Variants in KCNMA1 observed in about 807,000 individuals in gnomAD.
KCNMA1 encodes potassium calcium-activated channel subfamily M alpha 1, also known as Calcium-activated potassium channel subunit alpha-1.
In KCNMA1, 29 loss-of-function variants were observed where a neutral mutation model predicts 140.0. The observed-to-expected ratio is 0.21, with a 90% CI of 0.15 to 0.28. The LOEUF is 0.28. KCNMA1 is among the 10% of genes least tolerant of loss of function. The pLI is 1.00. For missense variants in KCNMA1, 880 were observed against 1,602.2 expected (o/e 0.55, Z 7.70); for synonymous variants, 612 against 611.9 (o/e 1.00, Z 0.00).
chr10:77,058,759 G>A (rs2153660228), intron 14 of KCNMA1, among the ~76,000 whole-genome samples: 1 of 152,098 alleles, frequency 6.6e-6, no homozygotes, highest in Middle Eastern at 3.4e-3. Context: ...AGCTAAAGCA[G>A]GGACCAGGAA....
At chr10:77,511,238 G>A (rs1351433936) in intron 1 of KCNMA1, among the ~76,000 whole-genome samples, 1 of 152,234 alleles carries the variant, frequency 6.6e-6, no homozygotes, top group African/African-American at 2.4e-5. Flanking sequence ...TGCTGATGCT[G>A]TTGACCCAGG....
At chr10:76,954,438 T>C (rs1481891744) in intron 20 of KCNMA1, among the ~76,000 whole-genome samples, 1 of 152,220 alleles carries the variant, frequency 6.6e-6, no homozygotes, top group Admixed American at 6.5e-5. Context: ...ACTTCTGACG[T>C]GATGCTCTTC....
chr10:77,018,940 G>T, intron 17 of KCNMA1, 73 bp downstream of exon 17: 2 of 842,504 alleles, frequency 2.4e-6, no homozygotes, highest in Non-Finnish European at 4.1e-6. Context: ...GGTTATGGAA[G>T]CCTGCCTACT....
chr10:76,893,824 G>A (rs1432032404), intron 25 of KCNMA1, among the ~76,000 whole-genome samples: 2 of 152,132 alleles, frequency 1.3e-5, no homozygotes, highest in East Asian at 3.9e-4. Flanking sequence ...AAATATTACT[G>A]AAAGAAATTA....
chr10:77,339,440 T>C (rs2090253568), intron 2 of KCNMA1, among the ~76,000 whole-genome samples: 1 of 152,166 alleles, frequency 6.6e-6, no homozygotes. Flanking sequence ...GACTCCAGTC[T>C]TGGTTTTCCA....
At chr10:77,189,468 A>G (rs562305451) in intron 3 of KCNMA1, among the ~76,000 whole-genome samples, 22 of 152,194 alleles carry the variant, frequency 1.4e-4, no homozygotes, top group Non-Finnish European at 2.6e-4. Flanking sequence ...GTTCCAATTA[A>G]CAATCAGAGA....
At chr10:77,601,806 G>A (rs1243830031) in intron 1 of KCNMA1, among the ~76,000 whole-genome samples, 2 of 152,134 alleles carry the variant, frequency 1.3e-5, no homozygotes, top group African/African-American at 2.4e-5. Context: ...GGCCCTCAAG[G>A]ACACAGAGTA....
At chr10:77,455,870 C>T (rs1325299404) in intron 1 of KCNMA1, among the ~76,000 whole-genome samples, 1 of 152,230 alleles carries the variant, frequency 6.6e-6, no homozygotes, top group Non-Finnish European at 1.5e-5. Flanking sequence ...CCATTCAGCT[C>T]TTAGTCCTCA....
chr10:77,326,180 A>G (rs1157504422), intron 2 of KCNMA1, among the ~76,000 whole-genome samples: 1 of 152,038 alleles, frequency 6.6e-6, no homozygotes, highest in African/African-American at 2.4e-5. Flanking sequence ...CACTGCAAAA[A>G]TCCTTCAGAT....
At chr10:77,607,890 G>C (rs1009014897) in intron 1 of KCNMA1, among the ~76,000 whole-genome samples, 2 of 152,156 alleles carry the variant, frequency 1.3e-5, no homozygotes, top group African/African-American at 2.4e-5. Flanking sequence ...CCACTCGAGA[G>C]GTCCCTTCTC....
chr10:77,208,356 G>A (rs1330116410), intron 3 of KCNMA1, among the ~76,000 whole-genome samples: 1 of 152,186 alleles, frequency 6.6e-6, no homozygotes, highest in Non-Finnish European at 1.5e-5. Context: ...CAGGCATGGT[G>A]GCACATGCTT....
chr10:77,063,490 C>T (rs532864020), intron 14 of KCNMA1, among the ~76,000 whole-genome samples: 4 of 152,086 alleles, frequency 2.6e-5, no homozygotes, highest in South Asian at 4.2e-4. Flanking sequence ...GCTGTGCAAA[C>T]GTAAAGTATT....
At chr10:77,625,527 T>A (rs1452777088) in intron 1 of KCNMA1, among the ~76,000 whole-genome samples, 2 of 152,160 alleles carry the variant, frequency 1.3e-5, no homozygotes, top group Non-Finnish European at 2.9e-5. Context: ...CTTCCCTCCC[T>A]CTGGCCCTGG....
chr10:77,605,238 A>T (rs1023860046), intron 1 of KCNMA1, among the ~76,000 whole-genome samples: 3 of 152,202 alleles, frequency 2.0e-5, no homozygotes, highest in African/African-American at 7.2e-5. Context: ...GTTGCCAGGG[A>T]CTGTCCCGGA....
At chr10:77,301,360 T>C (rs2076488183) in intron 2 of KCNMA1, among the ~76,000 whole-genome samples, 2 of 152,242 alleles carry the variant, frequency 1.3e-5, no homozygotes, top group Admixed American at 6.5e-5. Flanking sequence ...TTCTCTAAAC[T>C]AGCTATGCTG....
intron 2 of KCNMA1, among the ~76,000 whole-genome samples, chr10:77,383,630 T>C (rs2095503567): frequency 6.6e-6 from 1 of 152,260 alleles, no homozygotes; most frequent in African/African-American, 2.4e-5. Context: ...TACAAAATAT[T>C]ATCAATAAGT....
intron 2 of KCNMA1, among the ~76,000 whole-genome samples, chr10:77,330,739 C>G (rs988155501): frequency 1.3e-5 from 2 of 152,100 alleles, no homozygotes; most frequent in Admixed American, 6.5e-5. Flanking sequence ...CTTCAGGCAG[C>G]AAAGTTTAGT....
chr10:77,610,852 A>G (rs1339400999), intron 1 of KCNMA1, among the ~76,000 whole-genome samples: 1 of 152,258 alleles, frequency 6.6e-6, no homozygotes, highest in Admixed American at 6.5e-5. Context: ...CTGTATGTAC[A>G]CTTTAAAAGA....
chr10:76,963,830 T>A (rs1054394249), intron 20 of KCNMA1, among the ~76,000 whole-genome samples: 1 of 152,154 alleles, frequency 6.6e-6, no homozygotes, highest in Non-Finnish European at 1.5e-5. Context: ...ACATGGTATC[T>A]AGTCACTAAG....
Sources: allele counts gnomAD v4.1 joint callset (sites outside exome capture counted in the v4.1 genomes callset), GRCh38; gene constraint gnomAD v4.1.1; transcripts MANE v1.5; gene names NCBI Gene and HGNC (gene_info 2026-07-23, HGNC 2026-07-21).